SLC11A2: variants seen among roughly 807,000 people sequenced by gnomAD.
SLC11A2 encodes solute carrier family 11 member 2.
A neutral mutation model predicts 68.0 loss-of-function variants in SLC11A2; 38 were observed. That is an observed-to-expected ratio of 0.56 (90% CI 0.43 to 0.73). SLC11A2 has a LOEUF of 0.73. Ranked by LOEUF, SLC11A2 falls within the 30% of genes least tolerant of loss-of-function variation. The probability of loss-of-function intolerance (pLI) is 0.00; values close to 1 mark genes in which losing one functional copy is unlikely to be tolerated. For synonymous variants in SLC11A2, 242 were observed against 250.6 expected (o/e 0.97, Z 0.32); for missense variants, 517 against 690.5 (o/e 0.75, Z 2.82).
intron 2 of SLC11A2, chr12:51,008,993 TG>T (rs1350538705): frequency 8.5e-5 from 59 of 693,008 alleles, no homozygotes; most frequent in Non-Finnish European, 1.1e-4. Flanking sequence ...CACTGACATA[TG>T]GGCTCAAAAT....
chr12:51,017,703 A>G (rs925740486), intron 1 of SLC11A2, among the ~76,000 whole-genome samples: 1 of 152,224 alleles, frequency 6.6e-6, no homozygotes, highest in Admixed American at 6.5e-5. Context: ...AAGCTTCTGC[A>G]ATAGATAATC....
chr12:51,011,943 G>C (rs1481364197), intron 1 of SLC11A2, among the ~76,000 whole-genome samples: 2 of 152,120 alleles, frequency 1.3e-5, no homozygotes, highest in African/African-American at 4.8e-5. Flanking sequence ...CAATCTTCTA[G>C]AAAGGGTAGG....
chr12:50,957,702 T>C, the SLC11A2 span, among the ~76,000 whole-genome samples: 2 of 151,106 alleles, frequency 1.3e-5, no homozygotes, highest in Non-Finnish European at 3.0e-5. Flanking sequence ...CTGGCCAACA[T>C]GGCAAAACCC....
the SLC11A2 span, among the ~76,000 whole-genome samples, chr12:50,952,909 TACTAAGACTCAACAGTC>T: frequency 2.1e-4 from 32 of 152,274 alleles, no homozygotes; most frequent in South Asian, 3.5e-3. Flanking sequence ...AGGAGTCAGG[TACTAAGACTCAACAGTC>T]ACAGAGGGAA....
At chr12:50,978,786 C>A (rs371079624), downstream of SLC11A2, among the ~76,000 whole-genome samples, 1 of 152,052 alleles carries the variant, frequency 6.6e-6, no homozygotes, top group African/African-American at 2.4e-5. Context: ...CTTGAATTTG[C>A]AAAAGACTTC....
At position 50,996,806 on chromosome 12, in the gene SLC11A2, G is replaced by A; in HGVS notation, c.831+11C>T. On this transcript the variant is annotated intron_variant, in intron 9 of 15. Transcript: ENST00000262052. ...TGTCTAGGAGGTGAAGGAGATAAGG[G>A]CCTTGCTCACCTTGACTAAGGCAGA... 1 of 1,613,666 alleles carries A rather than the reference G, an allele frequency of 6.2e-7. No individual in the cohort carries two copies.
downstream of SLC11A2, among the ~76,000 whole-genome samples, chr12:50,978,903 T>C (rs1475714902): frequency 6.6e-6 from 1 of 152,202 alleles, no homozygotes; most frequent in Non-Finnish European, 1.5e-5. Flanking sequence ...CTACTTCATA[T>C]ACCTGGATAC....
Position 50,987,821 on chromosome 12 carries a change from T to G in SLC11A2, c.*504A>C, listed in dbSNP as rs1174060831. On this transcript the variant is annotated 3_prime_UTR_variant, in exon 16 of 16. Transcript: ENST00000262052. ...CTCTTCATTTTATATTTCATATGGA[T>G]GAAGCTATTCTAGTTGATAATTTGG... 1 of 1,265,932 alleles carries G rather than the reference T, an allele frequency of 7.9e-7. No individual in the cohort carries two copies. Among genetic ancestry groups the G allele is most frequent in the Non-Finnish European group, 1.0e-6 (1 of 979,958 alleles). 78.4% of individuals were successfully genotyped at this position (1,265,932 alleles called of 1,614,324 possible).
At chr12:50,957,223 T>C in the SLC11A2 span, among the ~76,000 whole-genome samples, 1 of 152,010 alleles carries the variant, frequency 6.6e-6, no homozygotes, top group African/African-American at 2.4e-5. Flanking sequence ...TTTCTTTTTT[T>C]TTTTAAAGAC....
downstream of SLC11A2, chr12:50,981,682 G>C: frequency 7.5e-7 from 1 of 1,326,012 alleles, no homozygotes; most frequent in Non-Finnish European, 1.0e-6. Context: ...GGCACAAAAA[G>C]GGCTTAGAAA....
downstream of SLC11A2, chr12:50,981,555 C>T: frequency 1.7e-6 from 1 of 589,346 alleles, no homozygotes; most frequent in Non-Finnish European, 3.1e-6. Flanking sequence ...GGGTCTCTGA[C>T]CTACATTTAT....
chr12:50,993,428 C>G (rs1361850154), intron 11 of SLC11A2, among the ~76,000 whole-genome samples: 2 of 152,082 alleles, frequency 1.3e-5, no homozygotes, highest in East Asian at 1.9e-4. Flanking sequence ...TAGGGTGGCT[C>G]ACGCTTGTAA....
intron 3 of SLC11A2, chr12:51,006,078 GA>G (rs1566016840): frequency 4.8e-6 from 1 of 206,544 alleles, no homozygotes; most frequent in East Asian, 1.2e-4. Context: ...CAGATCACCT[GA>G]GGTTGGGAGT....
chr12:50,982,957 AC>A (rs1286943494), downstream of SLC11A2, among the ~76,000 whole-genome samples: 1 of 149,156 alleles, frequency 6.7e-6, no homozygotes, highest in Admixed American at 6.8e-5. Context: ...AAAAAAAAAA[AC>A]CCACAATTCC....
intron 13 of SLC11A2, 52 bp downstream of exon 13, chr12:50,992,138 T>A: frequency 1.3e-6 from 2 of 1,591,188 alleles, no homozygotes; most frequent in Non-Finnish European, 1.7e-6. Flanking sequence ...CCAAGGGCAG[T>A]ACATAATGCT....
At chr12:51,013,487 A>C (rs1437525153) in intron 1 of SLC11A2, among the ~76,000 whole-genome samples, 1 of 151,352 alleles carries the variant, frequency 6.6e-6, no homozygotes, top group Non-Finnish European at 1.5e-5. Context: ...CAGTACAGAC[A>C]GGGTTTCATC....
At chr12:51,009,418 T>C in intron 2 of SLC11A2, 2 of 612,464 alleles carry the variant, frequency 3.3e-6, no homozygotes, top group Non-Finnish European at 4.6e-6. Context: ...CTGCCAGAAA[T>C]ACACAGAGCC....
At chr12:50,980,390 G>A (rs1381232632), downstream of SLC11A2, 4 of 156,056 alleles carry the variant, frequency 2.6e-5, no homozygotes, top group African/African-American at 9.6e-5. Flanking sequence ...CAGCTATTCA[G>A]GAGGCTGAAG....
chr12:51,026,393 C>A (rs1039523862), upstream of SLC11A2: 9 of 1,267,806 alleles, frequency 7.1e-6, no homozygotes, highest in African/African-American at 1.5e-5. Flanking sequence ...CTGGCTAACG[C>A]CCTCCCCTCC....
Sources: gnomAD v4.1 joint callset for allele counts (sites outside exome capture counted in the v4.1 genomes callset) on GRCh38, gnomAD v4.1.1 for gene constraint, MANE v1.5 for transcripts, NCBI Gene and HGNC (gene_info 2026-07-23, HGNC 2026-07-21) for gene names.